The following RUNX1 variants were observed in gnomAD, a reference collection of about 807,000 sequenced individuals.
RUNX1 encodes the protein runt-related transcription factor 1.
RUNX1 carries 19 observed loss-of-function variants against 42.8 expected under a neutral mutation model. The ratio of observed to expected loss-of-function variants is 0.44; its 90% CI spans 0.31 to 0.65. The LOEUF is 0.65. Ranked by LOEUF, RUNX1 falls within the 30% of genes least tolerant of loss-of-function variation. The pLI is 0.07. For missense variants in RUNX1, 528 were observed against 672.0 expected, an observed-to-expected ratio of 0.79 and a Z score of 2.37; for synonymous variants, 271 against 289.4, an observed-to-expected ratio of 0.94 and a Z score of 0.64.
intron 2 of RUNX1, among the ~76,000 whole-genome samples, chr21:35,011,753 T>A (rs1309783664): frequency 6.6e-6 from 1 of 152,160 alleles, no homozygotes; most frequent in African/African-American, 2.4e-5. Context: ...CTAATTACCA[T>A]TTTGTTTTAA....
intron 2 of RUNX1, among the ~76,000 whole-genome samples, chr21:35,041,116 G>A (rs564724308): frequency 3.9e-5 from 6 of 152,082 alleles, no homozygotes; most frequent in Admixed American, 2.0e-4. Context: ...TTCTCCATTC[G>A]AGACTAGCAA....
chr21:34,813,065 A>G (rs889957622), intron 7 of RUNX1, among the ~76,000 whole-genome samples: 3 of 152,134 alleles, frequency 2.0e-5, no homozygotes, highest in African/African-American at 4.8e-5. Context: ...TGAATTTCCC[A>G]ATTACTCTTA....
intron 2 of RUNX1, among the ~76,000 whole-genome samples, chr21:34,913,590 A>C (rs1313238111): frequency 6.6e-6 from 1 of 152,172 alleles, no homozygotes; most frequent in African/African-American, 2.4e-5. Flanking sequence ...ATTTCAGTTG[A>C]GACAGGGCAG....
intron 2 of RUNX1, among the ~76,000 whole-genome samples, chr21:34,903,334 T>C (rs1328226186): frequency 1.3e-5 from 2 of 152,224 alleles, no homozygotes; most frequent in African/African-American, 4.8e-5. Context: ...ATGTACAATA[T>C]AGTTTAATTC....
intron 2 of RUNX1, among the ~76,000 whole-genome samples, chr21:34,985,079 C>A (rs974110932): frequency 6.6e-6 from 1 of 152,114 alleles, no homozygotes; most frequent in African/African-American, 2.4e-5. Context: ...TTATGTGATT[C>A]CAATAATACT....
At chr21:34,936,843 A>G (rs913235197) in intron 2 of RUNX1, among the ~76,000 whole-genome samples, 2 of 152,206 alleles carry the variant, frequency 1.3e-5, no homozygotes, top group Non-Finnish European at 2.9e-5. Context: ...TAAATACTTG[A>G]CAGTTGAAAA....
chr21:34,967,939 C>G (rs1034520450), intron 2 of RUNX1, among the ~76,000 whole-genome samples: 4 of 152,198 alleles, frequency 2.6e-5, no homozygotes, highest in African/African-American at 9.7e-5. Context: ...GCTGAGGCAA[C>G]TAGAGAAACA....
Position 34,968,017 on chromosome 21 carries a change from A to C in RUNX1, c.59-75054T>G, listed in dbSNP as rs182621345. On this transcript the variant is annotated intron_variant, in intron 2 of 8. Coordinates refer to ENST00000675419, the MANE Select transcript of RUNX1 (RefSeq NM_001754.5). ...GAGAAAAACACTGATTGACATTTCC[A>C]GGCTGCTGTATTTCCCTCACCAGCC... 1.3e-3 allele frequency among the ~76,000 whole-genome samples: 198 copies of C among 152,248 alleles called. 1 individual carries two copies. Among genetic ancestry groups the C allele is most frequent in the African/African-American group, 4.5e-3 (186 of 41,532 alleles).
intron 8 of RUNX1, among the ~76,000 whole-genome samples, chr21:34,794,261 T>C (rs2056493443): frequency 6.6e-6 from 1 of 152,156 alleles, no homozygotes; most frequent in African/African-American, 2.4e-5. Context: ...TTGCCATTTT[T>C]ATAGGCCTTC....
intron 2 of RUNX1, among the ~76,000 whole-genome samples, chr21:34,952,784 T>C (rs999200566): frequency 2.0e-5 from 3 of 152,184 alleles, no homozygotes; most frequent in Non-Finnish European, 4.4e-5. Context: ...GCTGGGAACA[T>C]ACTGGGTACT....
intron 7 of RUNX1, among the ~76,000 whole-genome samples, chr21:34,815,927 T>C (rs2056819432): frequency 6.6e-6 from 1 of 152,082 alleles, no homozygotes. Context: ...AGCAGAAGGC[T>C]GTGAAAGTGA....
intron 2 of RUNX1, among the ~76,000 whole-genome samples, chr21:34,914,170 G>A (rs978902871): frequency 2.0e-5 from 3 of 152,182 alleles, no homozygotes; most frequent in Admixed American, 6.5e-5. Flanking sequence ...TTCTGAGAGC[G>A]GCTGTCTCCT....
At chr21:34,949,987 A>G (rs1181242689) in intron 2 of RUNX1, among the ~76,000 whole-genome samples, 2 of 152,228 alleles carry the variant, frequency 1.3e-5, no homozygotes, top group Non-Finnish European at 2.9e-5. Flanking sequence ...AACTGACATC[A>G]TAGGATCATA....
intron 2 of RUNX1, chr21:35,038,797 C>T (rs1316714714): frequency 2.2e-6 from 1 of 454,618 alleles, no homozygotes; most frequent in East Asian, 7.0e-5. Context: ...CTTCCCAGGG[C>T]TCCTTCCAGA....
At chr21:35,034,243 T>C (rs1007119646) in intron 2 of RUNX1, among the ~76,000 whole-genome samples, 4 of 152,226 alleles carry the variant, frequency 2.6e-5, no homozygotes, top group Non-Finnish European at 5.9e-5. Flanking sequence ...ATAACAGAGA[T>C]GGCAAGCCTT....
At chr21:35,047,341 A>G (rs1378521556) in intron 2 of RUNX1, among the ~76,000 whole-genome samples, 2 of 151,996 alleles carry the variant, frequency 1.3e-5, no homozygotes, top group African/African-American at 2.4e-5. Flanking sequence ...CTGTGTTACC[A>G]ACCAAACGAC....
chr21:34,870,545 C>G (rs1415570889), intron 5 of RUNX1, among the ~76,000 whole-genome samples: 3 of 152,218 alleles, frequency 2.0e-5, no homozygotes, highest in Non-Finnish European at 4.4e-5. Flanking sequence ...CAACCATGCA[C>G]AGGAAAGCCA....
rs1568808489 is a variant in RUNX1 at position 35,040,770 on chromosome 21, C to CAAAAAAAAAAAAA, written c.58+8071_58+8072insTTTTTTTTTTTTT. On this transcript the variant is annotated intron_variant, in intron 2 of 8. Transcript: ENST00000675419. ...TGGTGACAGAGCTAGTAGACTCCAT[C>CAAAAAAAAAAAAA]CAAAAAAAAAAAAAAAAAAAAAAAC... Among the ~76,000 whole-genome samples, 3 of 50,996 alleles carry CAAAAAAAAAAAAA rather than the reference C, an allele frequency of 5.9e-5. 1 individual carries two copies. Among genetic ancestry groups the CAAAAAAAAAAAAA allele is most frequent in the African/African-American group, 9.8e-5 (2 of 20,398 alleles). The allele number at this position is 50,996 out of a possible 152,430, so 33.5% of individuals were successfully genotyped here.
At position 34,909,058 on chromosome 21, in the gene RUNX1, C is replaced by T. The variant is rs536771732; in HGVS notation, c.59-16095G>A. Among the ~76,000 whole-genome samples, 5 of 152,232 alleles carry T rather than the reference C, an allele frequency of 3.3e-5. No homozygotes were observed. In the South Asian group the frequency reaches 1.0e-3, roughly 32 times the overall value. ...ATAATTTATGCCTTTTAGTTTTGCA[C>T]AAATTAAACCTGAATCTTAAAGTTC... On this transcript the variant is annotated intron_variant, in intron 2 of 8. Transcript: ENST00000675419.
Sources: allele counts gnomAD v4.1 joint callset (sites outside exome capture counted in the v4.1 genomes callset), GRCh38; gene constraint gnomAD v4.1.1; transcripts MANE v1.5; gene names NCBI Gene and HGNC (gene_info 2026-07-23, HGNC 2026-07-21).